The following IL17B variants were observed in gnomAD, a reference collection of about 807,000 sequenced individuals.
IL17B encodes the protein interleukin-17B.
IL17B carries 14 observed loss-of-function variants against 14.7 expected under a neutral mutation model. That is an observed-to-expected ratio of 0.95 (90% CI 0.63 to 1.49). IL17B has a LOEUF of 1.49. Among genes scored for constraint, IL17B ranks in the 40% most tolerant of loss-of-function variants. IL17B has a pLI of 0.00. For missense variants in IL17B, 233 were observed against 252.8 expected (o/e 0.92, Z 0.53); for synonymous variants, 105 against 94.8 (o/e 1.11, Z -0.62).
At chr5:149,401,011 A>T (rs533147632) in intron 1 of IL17B, among the ~76,000 whole-genome samples, 1 of 152,294 alleles carries the variant, frequency 6.6e-6, no homozygotes, top group Non-Finnish European at 1.5e-5. Context: ...TTCCAGAAAC[A>T]CACCAACAGA....
At chr5:149,378,814 A>G (rs1362882153) in intron 1 of IL17B, among the ~76,000 whole-genome samples, 1 of 152,222 alleles carries the variant, frequency 6.6e-6, no homozygotes, top group Non-Finnish European at 1.5e-5. Context: ...ACTCGGAGAA[A>G]CGTAGAATAG....
chr5:149,377,019 G>C lies in IL17B; in HGVS notation c.28C>G (p.Leu10Val), dbSNP rs1393291784. 5.8e-6 allele frequency: 9 copies of C among 1,545,970 alleles called. No individual in the cohort carries two copies. Among genetic ancestry groups the C allele is most frequent in the Non-Finnish European group, 7.8e-6 (9 of 1,151,716 alleles). The change falls in exon 2 of 3, where the codon CTT becomes GTT. Residue 10 changes from leucine to valine, a missense_variant. Transcript: ENST00000261796. ...CCCAGGAAGATGGAAATGGTAAGAA[G>C]AAACAGCTGGGGAGGAAAGCCACAG... MDWPHNLLF[L>V]LTISIFLGLG...
chr5:149,398,902 A>C (rs994077718), intron 1 of IL17B, among the ~76,000 whole-genome samples: 6 of 152,222 alleles, frequency 3.9e-5, no homozygotes, highest in Non-Finnish European at 8.8e-5. Flanking sequence ...ACTCTGTCTC[A>C]AAAAAGAAGT....
chr5:149,391,302 TG>T (rs1758948591), intron 1 of IL17B, among the ~76,000 whole-genome samples: 2 of 152,106 alleles, frequency 1.3e-5, no homozygotes, highest in South Asian at 4.1e-4. Flanking sequence ...CTCTTAACTC[TG>T]GGTGGGATGG....
chr5:149,377,342 C>T (rs543804319), intron 1 of IL17B, among the ~76,000 whole-genome samples: 4 of 152,332 alleles, frequency 2.6e-5, no homozygotes, highest in Admixed American at 2.0e-4. Context: ...GCTTTAGCAT[C>T]GCTTTCTTAG....
chr5:149,385,526 G>A (rs1758808419), intron 1 of IL17B, among the ~76,000 whole-genome samples: 1 of 152,234 alleles, frequency 6.6e-6, no homozygotes, highest in South Asian at 2.1e-4. Context: ...ATGTGGGGCT[G>A]TCAGGCCTGC....
At chr5:149,402,082 T>G (rs1581399428) in intron 1 of IL17B, among the ~76,000 whole-genome samples, 1 of 152,268 alleles carries the variant, frequency 6.6e-6, no homozygotes, top group Non-Finnish European at 1.5e-5. Flanking sequence ...TCTACAGGGT[T>G]TTCACTGCCT....
chr5:149,385,978 AG>A (rs979390279), intron 1 of IL17B, among the ~76,000 whole-genome samples: 5 of 152,094 alleles, frequency 3.3e-5, no homozygotes, highest in Non-Finnish European at 7.4e-5. Flanking sequence ...CATGGGTGGC[AG>A]GGGCTCATGG....
chr5:149,377,149 AC>A, intron 1 of IL17B, 124 bp from the exon 2 acceptor site: 1 of 733,476 alleles, frequency 1.4e-6, no homozygotes, highest in Non-Finnish European at 2.2e-6. Flanking sequence ...GACTCTGCCT[AC>A]CATCCCCCAG....
At chr5:149,382,780 T>G (rs1758729985), upstream of IL17B, among the ~76,000 whole-genome samples, 9 of 152,312 alleles carry the variant, frequency 5.9e-5, no homozygotes, top group South Asian at 1.9e-3. Context: ...CTGAACCCGG[T>G]AGGTTCGGGT....
In IL17B at chr5:149,379,281, C is replaced by T. The variant is rs1368069476; in HGVS notation, c.-56G>A. On this transcript the variant is annotated 5_prime_UTR_variant, in exon 1 of 3. Coordinates refer to ENST00000261796, the MANE Select transcript of IL17B (RefSeq NM_014443.3). ...GCTGCCCGCCTGGAACCCCAGATGCCGCCGAGAGAATGGCAGCAACAGGAT... is the reference window on the plus strand; with the variant it reads ...GCTGCCCGCCTGGAACCCCAGATGCTGCCGAGAGAATGGCAGCAACAGGAT... The T allele has an allele frequency of 1.4e-5, 22 of 1,609,430 alleles. No homozygotes were observed. The highest frequency in any genetic ancestry group is 5.4e-5 in the African/African-American group (4 of 74,728).
chr5:149,390,655 C>T (rs1233217557), intron 1 of IL17B, among the ~76,000 whole-genome samples: 4 of 146,570 alleles, frequency 2.7e-5, no homozygotes, highest in Non-Finnish European at 4.4e-5. Context: ...CCCTCCAAGT[C>T]CCTTCGCCAA....
intron 1 of IL17B, among the ~76,000 whole-genome samples, chr5:149,391,868 C>T (rs1239121238): frequency 6.6e-6 from 1 of 152,216 alleles, no homozygotes; most frequent in Non-Finnish European, 1.5e-5. Context: ...AGGAACTTCT[C>T]ATCGGCCTTG....
chr5:149,374,642 G>T lies in IL17B; in HGVS notation c.312-42C>A, dbSNP rs751233604. On this transcript the variant is annotated intron_variant, in intron 2 of 2. Transcript: ENST00000261796. This position sits in a 1 kb window ranked among gnomAD's most constrained non-coding sequence, Gnocchi z 5.0. ...AAAGAGCAGAGCGGAAGGTGATCAG[G>T]AAAGGGCCAGTCAGCACCCATACTC... 27 of 1,517,028 alleles carry T rather than the reference G, an allele frequency of 1.8e-5. No individual in the cohort carries two copies. Among genetic ancestry groups the T allele is most frequent in the Non-Finnish European group, 2.4e-5 (26 of 1,102,810 alleles). The allele number at this position is 1,517,028 out of a possible 1,614,324, so 94.0% of individuals were successfully genotyped here. A position where few individuals can be genotyped will look rare whatever the true frequency, so the allele number is the denominator to read the frequency against.
intron 1 of IL17B, among the ~76,000 whole-genome samples, chr5:149,394,163 C>G (rs892911115): frequency 7.2e-5 from 11 of 152,126 alleles, no homozygotes; most frequent in Non-Finnish European, 1.3e-4. Flanking sequence ...ACACTAATGA[C>G]AGTCGCACGA....
In IL17B at chr5:149,374,437, G is replaced by T; in HGVS notation, c.475C>A (p.Arg159Ser). 1 of 1,609,602 alleles carries T rather than the reference G, an allele frequency of 6.2e-7. No homozygotes were observed. The highest frequency in any genetic ancestry group is 8.5e-7 in the Non-Finnish European group (1 of 1,179,502). Residue 159 changes from arginine to serine, a missense_variant, in exon 3 of 3, where the codon CGC (arginine) becomes AGC (serine). Coordinates refer to ENST00000261796, the MANE Select transcript of IL17B (RefSeq NM_014443.3). The surrounding 1 kb of genome is among the most constrained non-coding windows in gnomAD (Gnocchi z 5.0). Reference sequence around the variant, plus strand: ...GCGCGCTGGCGGCAAGGCCCTGTGCGGGGCGGTGGCGGGCAGAGGCGGCGG... The same window carrying T: ...GCGCGCTGGCGGCAAGGCCCTGTGCTGGGCGGTGGCGGGCAGAGGCGGCGG... ...VRRRLCPPPP[R>S]TGPCRQRAVM...
intron 1 of IL17B, among the ~76,000 whole-genome samples, chr5:149,386,766 T>C (rs752950449): frequency 6.6e-6 from 1 of 152,146 alleles, no homozygotes; most frequent in Non-Finnish European, 1.5e-5. Flanking sequence ...TGCACGGTGG[T>C]GCAATCTTGG....
intron 1 of IL17B, among the ~76,000 whole-genome samples, chr5:149,395,421 C>T (rs10070761): frequency 0.32 from 48,922 of 151,998 alleles, 8,048 homozygotes; most frequent in African/African-American, 0.37. Flanking sequence ...CTTGGGCTCA[C>T]GGAAATTCAT....
intron 1 of IL17B, among the ~76,000 whole-genome samples, chr5:149,393,709 A>G (rs186247561): frequency 5.0e-4 from 76 of 151,740 alleles, no homozygotes; most frequent in Non-Finnish European, 2.6e-4. Context: ...TTCCTCCACA[A>G]TGTATCCTCA....
Sources: gnomAD v4.1 joint callset for allele counts (sites outside exome capture counted in the v4.1 genomes callset) on GRCh38, gnomAD v4.1.1 for gene constraint, Gnocchi (gnomAD v3.1) non-coding constraint, MANE v1.5 for transcripts, NCBI Gene and HGNC (gene_info 2026-07-23, HGNC 2026-07-21) for gene names.